The following PPARGC1A variants were observed in gnomAD, a reference collection of about 807,000 sequenced individuals.
PPARGC1A encodes the protein peroxisome proliferator-activated receptor gamma coactivator 1-alpha.
In PPARGC1A, 25 loss-of-function variants were observed where a neutral mutation model predicts 88.7. The ratio of observed to expected loss-of-function variants is 0.28; its 90% confidence interval spans 0.21 to 0.39. The LOEUF is 0.39. Among genes scored for constraint, PPARGC1A ranks in the 10% least tolerant of loss-of-function variants. The pLI, the probability that PPARGC1A is intolerant of heterozygous loss-of-function variation, is 1.00. For missense variants in PPARGC1A, 880 were observed against 968.7 expected, an observed-to-expected ratio of 0.91 and a Z score of 1.22; for synonymous variants, 363 against 355.6, an observed-to-expected ratio of 1.02 and a Z score of -0.24.
At chr4:24,134,474 G>A in the PPARGC1A span, among the ~76,000 whole-genome samples, 2 of 152,162 alleles carry the variant, frequency 1.3e-5, no homozygotes, top group South Asian at 2.1e-4. Flanking sequence ...ATATGTTTGC[G>A]TGTTCGCAAT....
intron 2 of PPARGC1A, 56 bp from the exon 3 acceptor site, chr4:23,831,807 C>T (rs1435945343): frequency 1.4e-6 from 2 of 1,416,816 alleles, no homozygotes; most frequent in East Asian, 2.3e-5. Flanking sequence ...GCAGGTAACA[C>T]TATGCATCAA....
chr4:23,977,330 C>A, the PPARGC1A span, among the ~76,000 whole-genome samples: 1 of 152,138 alleles, frequency 6.6e-6, no homozygotes, highest in Non-Finnish European at 1.5e-5. Context: ...GCTTTCCCAG[C>A]CATCGCATTC....
At chr4:24,309,832 C>T in the PPARGC1A span, among the ~76,000 whole-genome samples, 2 of 152,090 alleles carry the variant, frequency 1.3e-5, no homozygotes, top group Admixed American at 6.5e-5. Context: ...GCAAGGAAGA[C>T]CAATCCTGAG....
the PPARGC1A span, among the ~76,000 whole-genome samples, chr4:23,992,598 A>C: frequency 4.6e-5 from 7 of 152,086 alleles, no homozygotes; most frequent in Non-Finnish European, 1.0e-4. Context: ...CTTTTCAGAC[A>C]CAGCTAAATG....
the PPARGC1A span, among the ~76,000 whole-genome samples, chr4:23,949,957 C>T: frequency 1.3e-5 from 2 of 152,238 alleles, no homozygotes; most frequent in African/African-American, 4.8e-5. Flanking sequence ...TTAATTTCAT[C>T]GTGCACTAAA....
chr4:23,986,626 C>T, the PPARGC1A span, among the ~76,000 whole-genome samples: 3 of 152,074 alleles, frequency 2.0e-5, no homozygotes, highest in East Asian at 5.8e-4. Context: ...TTCTTTCAGT[C>T]TTACGATAAC....
chr4:24,419,076 T>A, the PPARGC1A span, among the ~76,000 whole-genome samples: 1 of 152,144 alleles, frequency 6.6e-6, no homozygotes, highest in Non-Finnish European at 1.5e-5. Flanking sequence ...TACTTTTGGA[T>A]AATGATTGTT....
At chr4:23,920,614 C>T in the PPARGC1A span, among the ~76,000 whole-genome samples, 3 of 152,208 alleles carry the variant, frequency 2.0e-5, no homozygotes, top group Non-Finnish European at 4.4e-5. Flanking sequence ...TTCATTTTCC[C>T]TGAAATTCTA....
At chr4:24,383,758 A>G in the PPARGC1A span, among the ~76,000 whole-genome samples, 2 of 152,214 alleles carry the variant, frequency 1.3e-5, no homozygotes, top group African/African-American at 4.8e-5. Context: ...TGATTGTTGT[A>G]CCTGAAAGTG....
At chr4:24,209,515 C>T in the PPARGC1A span, among the ~76,000 whole-genome samples, 1 of 152,150 alleles carries the variant, frequency 6.6e-6, no homozygotes, top group Non-Finnish European at 1.5e-5. Context: ...CACAGCACAG[C>T]CCCTCATAAT....
the PPARGC1A span, among the ~76,000 whole-genome samples, chr4:24,261,416 G>A: frequency 2.0e-5 from 3 of 152,050 alleles, no homozygotes; most frequent in Admixed American, 6.6e-5. Flanking sequence ...CTCCTCCTGC[G>A]TCATCTGGTT....
the PPARGC1A span, among the ~76,000 whole-genome samples, chr4:24,069,079 T>C: frequency 6.6e-6 from 1 of 152,202 alleles, no homozygotes. Flanking sequence ...GTGCATTAAC[T>C]CAATGAAAGT....
the PPARGC1A span, among the ~76,000 whole-genome samples, chr4:24,445,449 C>T: frequency 6.6e-6 from 1 of 152,234 alleles, no homozygotes; most frequent in South Asian, 2.1e-4. Flanking sequence ...GTACTGGATT[C>T]GTATATTTTA....
the PPARGC1A span, among the ~76,000 whole-genome samples, chr4:24,424,465 C>T: frequency 6.6e-6 from 1 of 151,562 alleles, no homozygotes; most frequent in Non-Finnish European, 1.5e-5. Flanking sequence ...TTAGTAGAGA[C>T]GGGGTTTCAC....
At chr4:24,440,567 C>T in the PPARGC1A span, among the ~76,000 whole-genome samples, 3 of 152,066 alleles carry the variant, frequency 2.0e-5, no homozygotes, top group Admixed American at 1.3e-4. Context: ...TTTGGGAGGC[C>T]GGGATGGGCG....
chr4:23,840,184 G>A (rs192621449), intron 2 of PPARGC1A, among the ~76,000 whole-genome samples: 334 of 152,032 alleles, frequency 2.2e-3, no homozygotes, highest in Non-Finnish European at 3.6e-3. Flanking sequence ...ACCAAGGATC[G>A]CCATATAATT....
At chr4:24,154,614 G>C in the PPARGC1A span, among the ~76,000 whole-genome samples, 1 of 152,230 alleles carries the variant, frequency 6.6e-6, no homozygotes, top group East Asian at 1.9e-4. Context: ...TTCGAGTCAG[G>C]TGAAGCGCAT....
the PPARGC1A span, among the ~76,000 whole-genome samples, chr4:24,109,947 C>T: frequency 6.6e-6 from 1 of 152,056 alleles, no homozygotes; most frequent in Non-Finnish European, 1.5e-5. Context: ...AGAAAGAAAC[C>T]CCAGGAGCCT....
At chr4:24,215,557 T>C in the PPARGC1A span, among the ~76,000 whole-genome samples, 1 of 152,208 alleles carries the variant, frequency 6.6e-6, no homozygotes, top group Non-Finnish European at 1.5e-5. Context: ...TTTTGATCTT[T>C]TTTTAAAGGG....
Sources: allele counts gnomAD v4.1 joint callset (sites outside exome capture counted in the v4.1 genomes callset), GRCh38; gene constraint gnomAD v4.1.1; transcripts MANE v1.5; gene names NCBI Gene and HGNC (gene_info 2026-07-23, HGNC 2026-07-21).